ELMO1: variants seen among roughly 807,000 people sequenced by gnomAD.
ELMO1 encodes the protein engulfment and cell motility 1, also known as engulfment and cell motility protein 1.
A neutral mutation model predicts 98.9 loss-of-function variants in ELMO1; 26 were observed. The observed-to-expected ratio is 0.26, with a 90% CI of 0.19 to 0.36. The LOEUF (loss-of-function observed/expected upper bound fraction) is 0.36. Ranked by LOEUF, ELMO1 falls within the 10% of genes least tolerant of loss-of-function variation. The pLI is 1.00. For synonymous variants in ELMO1, 346 were observed against 346.0 expected (o/e 1.00, Z 0.00); for missense variants, 627 against 935.2 (o/e 0.67, Z 4.30).
intron 14 of ELMO1, among the ~76,000 whole-genome samples, chr7:37,115,042 C>T (rs1187031170): frequency 1.3e-5 from 2 of 151,914 alleles, no homozygotes; most frequent in Non-Finnish European, 2.9e-5. Context: ...CTACAAGAAC[C>T]CACACAAGAA....
At position 37,238,437 on chromosome 7, in the gene ELMO1, T is replaced by C. The variant is rs181684392; in HGVS notation, c.450-5243A>G. 1.3e-3 allele frequency among the ~76,000 whole-genome samples: 199 copies of C among 152,352 alleles called. 4 individuals are homozygous for C. Among genetic ancestry groups the C allele is most frequent in the South Asian group, 2.1e-4 (1 of 4,834 alleles). On this transcript the variant is annotated intron_variant, in intron 7 of 21. Transcript: ENST00000310758. ...CCTGAAACCTTGCTAAATTCAATTA[T>C]ATCTAGCAGTTTCTTTGTAGATTCC...
intron 16 of ELMO1, among the ~76,000 whole-genome samples, chr7:36,954,593 G>A (rs752154054): frequency 6.6e-6 from 1 of 152,238 alleles, no homozygotes; most frequent in African/African-American, 2.4e-5. Flanking sequence ...AGGAGAACAA[G>A]GCCAATCTCA....
At chr7:37,296,559 C>A (rs1259552607) in intron 4 of ELMO1, among the ~76,000 whole-genome samples, 4 of 152,138 alleles carry the variant, frequency 2.6e-5, no homozygotes, top group African/African-American at 9.7e-5. Flanking sequence ...AAGTGATAGC[C>A]CCTCTTATTC....
chr7:37,213,552 G>T, intron 11 of ELMO1, 95 bp from the exon 12 acceptor site: 2 of 1,160,702 alleles, frequency 1.7e-6, no homozygotes, highest in Non-Finnish European at 2.4e-6. Context: ...GTCTTCACTG[G>T]GAGGTATAAG....
chr7:37,063,311 G>A (rs940791924), intron 15 of ELMO1, among the ~76,000 whole-genome samples: 3 of 152,138 alleles, frequency 2.0e-5, no homozygotes, highest in Admixed American at 6.6e-5. Flanking sequence ...GCAGCTTTTG[G>A]TGACTAGCTA....
intron 15 of ELMO1, among the ~76,000 whole-genome samples, chr7:37,020,233 A>G (rs1562901682): frequency 6.6e-6 from 1 of 152,206 alleles, no homozygotes; most frequent in African/African-American, 2.4e-5. Context: ...AGCAGTCTCC[A>G]TATACATAGA....
chr7:37,067,246 CT>C (rs1170908121), intron 15 of ELMO1, among the ~76,000 whole-genome samples: 2 of 152,158 alleles, frequency 1.3e-5, no homozygotes, highest in African/African-American at 4.8e-5. Context: ...AGTAAACATT[CT>C]GATCACATGG....
intron 13 of ELMO1, among the ~76,000 whole-genome samples, chr7:37,173,372 G>C (rs113486660): frequency 5.9e-5 from 9 of 152,124 alleles, no homozygotes; most frequent in Non-Finnish European, 1.2e-4. Context: ...TACAAGCCAC[G>C]TCACAGAGAT....
intron 16 of ELMO1, among the ~76,000 whole-genome samples, chr7:36,896,472 T>C (rs533408353): frequency 6.6e-6 from 1 of 152,348 alleles, no homozygotes; most frequent in African/African-American, 2.4e-5. Context: ...TGGACTCTGT[T>C]GGCAGGTAGA....
intron 16 of ELMO1, among the ~76,000 whole-genome samples, chr7:36,978,018 A>G (rs1562872825): frequency 6.6e-6 from 1 of 151,478 alleles, no homozygotes; most frequent in Non-Finnish European, 1.5e-5. Flanking sequence ...ATATATACTC[A>G]CAGCTGGGAA....
At chr7:37,328,042 T>A (rs529304598) in intron 2 of ELMO1, among the ~76,000 whole-genome samples, 1 of 152,308 alleles carries the variant, frequency 6.6e-6, no homozygotes, top group East Asian at 1.9e-4. Flanking sequence ...ATGATATTAC[T>A]AAGTGTATTT....
intron 16 of ELMO1, among the ~76,000 whole-genome samples, chr7:36,996,859 T>C (rs1170410667): frequency 6.6e-6 from 1 of 152,192 alleles, no homozygotes; most frequent in African/African-American, 2.4e-5. Flanking sequence ...GCACTCAGTA[T>C]GACTAACGAT....
In ELMO1 at chr7:37,013,458, A is replaced by C. The variant is rs1251201227; in HGVS notation, c.1301-23T>G. On this transcript the variant is annotated intron_variant, in intron 15 of 21. Coordinates refer to ENST00000310758, the MANE Select transcript of ELMO1 (RefSeq NM_014800.11). ...TAGCTGGAGGAAAGAGATGGAAAAT[A>C]AGAGAAAAAGTTTTAAAACAGTGAA... The C allele has an allele frequency of 4.3e-6, 7 of 1,612,938 alleles. No individual in the cohort carries two copies. In the Admixed American group the frequency reaches 1.2e-4, roughly 27 times the overall value.
chr7:37,321,390 C>T (rs1198243782), intron 2 of ELMO1, among the ~76,000 whole-genome samples: 6 of 152,008 alleles, frequency 3.9e-5, no homozygotes, highest in East Asian at 1.9e-4. Flanking sequence ...TCTGTAGACC[C>T]GCTGAATAAT....
At chr7:37,206,709 C>A (rs763705193) in intron 13 of ELMO1, among the ~76,000 whole-genome samples, 2 of 152,142 alleles carry the variant, frequency 1.3e-5, no homozygotes, top group Admixed American at 6.5e-5. Flanking sequence ...TTACCCATAA[C>A]CTCTTCCACC....
At chr7:37,353,265 G>C (rs1051335680) in intron 1 of ELMO1, 1 of 152,240 alleles carries the variant, frequency 6.6e-6, no homozygotes, top group Non-Finnish European at 1.5e-5. Context: ...CTGCCTTTAA[G>C]AATGAAGCAG....
At chr7:37,061,463 T>C (rs574955616) in intron 15 of ELMO1, among the ~76,000 whole-genome samples, 2 of 152,268 alleles carry the variant, frequency 1.3e-5, no homozygotes, top group African/African-American at 2.4e-5. Context: ...TTCAATCCCA[T>C]GGTGGTAGCA....
At chr7:36,901,594 A>T (rs569405763) in intron 16 of ELMO1, among the ~76,000 whole-genome samples, 2 of 152,200 alleles carry the variant, frequency 1.3e-5, no homozygotes, top group African/African-American at 4.8e-5. Context: ...TGAAAACAAC[A>T]CCTGGCTTTA....
intron 13 of ELMO1, among the ~76,000 whole-genome samples, chr7:37,133,725 T>C (rs1053784549): frequency 3.3e-5 from 5 of 152,094 alleles, no homozygotes; most frequent in Admixed American, 2.6e-4. Flanking sequence ...TTGTGAACTG[T>C]CCAGGGCTAC....
Sources: gnomAD v4.1 joint callset for allele counts (sites outside exome capture counted in the v4.1 genomes callset) on GRCh38, gnomAD v4.1.1 for gene constraint, MANE v1.5 for transcripts, NCBI Gene and HGNC (gene_info 2026-07-23, HGNC 2026-07-21) for gene names.